GCC2: variants seen among roughly 807,000 people sequenced by gnomAD.
The protein encoded by GCC2 is GRIP and coiled-coil domain containing 2.
In GCC2, 120 loss-of-function variants were observed where a neutral mutation model predicts 210.6. The observed-to-expected ratio is 0.57, with a 90% CI of 0.49 to 0.66. The LOEUF is 0.66. GCC2 is among the 30% of genes least tolerant of loss of function. The pLI is 0.00. For synonymous variants in GCC2, 703 were observed against 652.7 expected (o/e 1.08, Z -1.17); for missense variants, 1,868 against 1,871.9 (o/e 1.00, Z 0.04).
chr2:108,456,939 G>T (rs988054978), intron 4 of GCC2, among the ~76,000 whole-genome samples: 3 of 131,480 alleles, frequency 2.3e-5, no homozygotes, highest in Non-Finnish European at 4.8e-5. Flanking sequence ...GACAGAGGGA[G>T]CCCTTACATA....
Position 108,485,829 on chromosome 2 carries a change from A to G in GCC2, c.3715-2A>G. 1 of 1,564,438 alleles carries G rather than the reference A, an allele frequency of 6.4e-7. No homozygotes were observed. Among genetic ancestry groups the G allele is most frequent in the Non-Finnish European group, 8.7e-7 (1 of 1,148,312 alleles). ...AATTTAACCAAGATTCTCATTCTAT[A>G]GGAAACTGATCACTTAATACTTCAA... On this transcript the variant is annotated splice_acceptor_variant, in intron 14 of 22. Transcript: ENST00000309863. LOFTEE classifies it high-confidence loss of function.
intron 4 of GCC2, among the ~76,000 whole-genome samples, chr2:108,454,949 G>C (rs1301877767): frequency 6.8e-6 from 1 of 146,216 alleles, no homozygotes; most frequent in Non-Finnish European, 1.5e-5. Flanking sequence ...CTGGAGTGCA[G>C]TGGCGTGATC....
Position 108,471,852 on chromosome 2 carries a change from T to TAAA in GCC2, c.2523_2524insAAA (p.Val841_Leu842insLys). On this transcript the variant is annotated inframe_insertion, in exon 6 of 23. Transcript: ENST00000309863. ...TGAGAGACTATGAGCAAGAGAAAGT[T>TAAA]CTCTTAAGGAAAGAGTTAGAAGAAA... The TAAA allele has an allele frequency of 6.2e-7, 1 of 1,613,206 alleles. No homozygotes were observed. Among genetic ancestry groups the TAAA allele is most frequent in the Non-Finnish European group, 8.5e-7 (1 of 1,179,544 alleles).
chr2:108,461,616 C>T lies in GCC2; in HGVS notation c.217-7364C>T, dbSNP rs192292914. 3.4e-4 allele frequency among the ~76,000 whole-genome samples: 51 copies of T among 152,012 alleles called. 1 individual carries two copies. The East Asian group carries it at 9.9e-3, about 30-fold the overall frequency. On this transcript the variant is annotated intron_variant, in intron 4 of 22. Coordinates refer to ENST00000309863, the MANE Select transcript of GCC2 (RefSeq NM_181453.4). Reference sequence around the variant, plus strand: ...CACCTCCCGGGTTCAAGTGATCCTGCCTCAGCCTCCCAAGTAGCTGGGATT... The same window carrying T: ...CACCTCCCGGGTTCAAGTGATCCTGTCTCAGCCTCCCAAGTAGCTGGGATT...
intron 22 of GCC2, among the ~76,000 whole-genome samples, chr2:108,505,055 T>A (rs1055626902): frequency 6.6e-6 from 1 of 152,230 alleles, no homozygotes; most frequent in South Asian, 2.1e-4. Context: ...CATCCTATCT[T>A]AGCACAGCTT....
At chr2:108,485,775 ATAAT>A (rs1489881930) in intron 14 of GCC2, 39 bp downstream of exon 14, 7 of 1,456,296 alleles carry the variant, frequency 4.8e-6, no homozygotes, top group Admixed American at 4.0e-5. Flanking sequence ...GTACTTATTC[ATAAT>A]TTATTTATGA....
At chr2:108,462,220 C>T (rs1680626996) in intron 4 of GCC2, among the ~76,000 whole-genome samples, 1 of 147,188 alleles carries the variant, frequency 6.8e-6, no homozygotes, top group African/African-American at 2.5e-5. Flanking sequence ...AGGCCGGGCG[C>T]AGTGGCTCAC....
chr2:108,495,011 C>G, intron 19 of GCC2: 1 of 188,136 alleles, frequency 5.3e-6, no homozygotes, highest in South Asian at 9.6e-5. Context: ...AGGGTTTCAC[C>G]ATCTTGGCCA....
chr2:108,467,671 G>A (rs1385202425), intron 4 of GCC2, among the ~76,000 whole-genome samples: 4 of 152,136 alleles, frequency 2.6e-5, no homozygotes, highest in African/African-American at 9.7e-5. Context: ...TAGTGATAGT[G>A]TACTAATGTT....
In GCC2 at chr2:108,485,740, T is replaced by C. The variant is rs1290294748; in HGVS notation, c.3714+4T>C. Reference sequence around the variant, plus strand: ...ACTGGCAGATTCAAAGCAAGCAGTATGTTAATTTTTCAGTTTCATATTTAG... The same window carrying C: ...ACTGGCAGATTCAAAGCAAGCAGTACGTTAATTTTTCAGTTTCATATTTAG... On this transcript the variant is annotated splice_donor_region_variant and intron_variant, in intron 14 of 22. Coordinates refer to ENST00000309863, the MANE Select transcript of GCC2 (RefSeq NM_181453.4). The C allele has an allele frequency of 3.8e-6, 6 of 1,559,240 alleles. No individual in the cohort carries two copies. The East Asian group carries it at 9.0e-5, about 23-fold the overall frequency.
intron 2 of GCC2, 35 bp downstream of exon 2, chr2:108,449,724 G>T: frequency 6.4e-7 from 1 of 1,557,304 alleles, no homozygotes; most frequent in Non-Finnish European, 8.9e-7. Context: ...GCTTCCTGAA[G>T]AGTGGAAGGG....
chr2:108,489,537 G>GT (rs1207659747), intron 17 of GCC2, among the ~76,000 whole-genome samples: 4 of 151,818 alleles, frequency 2.6e-5, no homozygotes, highest in African/African-American at 9.7e-5. Flanking sequence ...ATAGTGTGAG[G>GT]TTTTTTTCTT....
chr2:108,471,486 C>T lies in GCC2; in HGVS notation c.2157C>T (p.Ile719=). Residue 719 remains isoleucine (I), a synonymous_variant, in exon 6 of 23, where the codon ATC becomes ATT. Coordinates refer to ENST00000309863, the MANE Select transcript of GCC2 (RefSeq NM_181453.4). ...TTTTGTCTCAAAAAGAAGATGTTAT[C>T]CTTAAAGAACATATTACTCAATTAG... is the stretch of plus-strand genomic sequence containing the variant. The part of the protein sequence containing the change: ...EVFLSQKEDV[I]LKEHITQLEK... The T allele has an allele frequency of 6.2e-7, 1 of 1,609,416 alleles. No individual in the cohort carries two copies. The highest frequency in any genetic ancestry group is 8.5e-7 in the Non-Finnish European group (1 of 1,178,494).
At position 108,482,437 on chromosome 2, in the gene GCC2, GA is replaced by G; in HGVS notation, c.3333del (p.Glu1111AspfsTer4). On this transcript the variant is annotated frameshift_variant, in exon 11 of 23. Coordinates refer to ENST00000309863, the MANE Select transcript of GCC2 (RefSeq NM_181453.4). LOFTEE classifies it high-confidence loss of function. ...KELEAEKLQK[E>X]QKIKEHATTV... is the part of the protein sequence containing the mutation. ...ATTAGAAGCTGAAAAACTTCAGAAA[GA>G]ACAGAAGATAAAGGTAAAAACAATC... 6.5e-7 allele frequency: 1 copy of G among 1,544,670 alleles called. No homozygotes were observed. Among genetic ancestry groups the G allele is most frequent in the Non-Finnish European group, 8.9e-7 (1 of 1,122,618 alleles).
intron 4 of GCC2, chr2:108,462,497 A>G: frequency 6.8e-6 from 1 of 147,498 alleles, no homozygotes; most frequent in East Asian, 2.1e-4. Context: ...CAGTCTCAAA[A>G]TAAATAAATA....
intron 7 of GCC2, among the ~76,000 whole-genome samples, chr2:108,474,061 G>A (rs1681380494): frequency 6.6e-6 from 1 of 152,070 alleles, no homozygotes; most frequent in African/African-American, 2.4e-5. Flanking sequence ...GGGAGGCTGA[G>A]GCAGGAATAT....
chr2:108,454,299 A>G (rs944898019), intron 4 of GCC2, among the ~76,000 whole-genome samples: 13 of 152,044 alleles, frequency 8.6e-5, no homozygotes, highest in Admixed American at 7.2e-4. Context: ...CTGGTTATAT[A>G]TTATCTTATT....
At chr2:108,478,678 A>T (rs1460523229) in intron 9 of GCC2, among the ~76,000 whole-genome samples, 1 of 152,192 alleles carries the variant, frequency 6.6e-6, no homozygotes, top group African/African-American at 2.4e-5. Context: ...GAATTTCCCA[A>T]AGGGAGCCAT....
chr2:108,480,491 G>C (rs2104472949), intron 9 of GCC2, among the ~76,000 whole-genome samples: 1 of 152,216 alleles, frequency 6.6e-6, no homozygotes, highest in South Asian at 2.1e-4. Context: ...CAAAGACGTG[G>C]AATCAACCGA....
Sources: allele counts gnomAD v4.1 joint callset (sites outside exome capture counted in the v4.1 genomes callset), GRCh38; gene constraint gnomAD v4.1.1; transcripts MANE v1.5; gene names NCBI Gene and HGNC (gene_info 2026-07-23, HGNC 2026-07-21).